NFIB: variants seen among roughly 807,000 people sequenced by gnomAD.
NFIB encodes nuclear factor 1 B-type.
Under a neutral mutation model 61.5 loss-of-function variants are expected in NFIB, and 11 were observed. The observed-to-expected ratio is 0.18, with a 90% CI of 0.11 to 0.30. NFIB has a LOEUF of 0.30. NFIB is among the 10% of genes least tolerant of loss of function. The pLI, the probability that NFIB is intolerant of heterozygous loss-of-function variation, is 1.00. For missense variants in NFIB, 471 were observed against 608.9 expected (o/e 0.77, Z 2.38); for synonymous variants, 260 against 216.5 (o/e 1.20, Z -1.76).
intron 3 of NFIB, among the ~76,000 whole-genome samples, chr9:14,173,079 G>A (rs919191472): frequency 6.6e-6 from 1 of 152,176 alleles, no homozygotes; most frequent in Admixed American, 6.5e-5. Flanking sequence ...CACATCAAAT[G>A]ATACTTTCTG....
intron 3 of NFIB, among the ~76,000 whole-genome samples, chr9:14,163,288 G>A (rs1318632056): frequency 6.6e-6 from 1 of 151,618 alleles, no homozygotes; most frequent in Non-Finnish European, 1.5e-5. Flanking sequence ...AAAATATAAG[G>A]GATAAAATAA....
intron 2 of NFIB, among the ~76,000 whole-genome samples, chr9:14,227,097 C>T (rs1405439111): frequency 6.7e-6 from 1 of 148,336 alleles, no homozygotes; most frequent in Non-Finnish European, 1.5e-5. Flanking sequence ...GCCGAGATCA[C>T]GCCATTGCAC....
At chr9:14,452,214 G>C in the NFIB span, among the ~76,000 whole-genome samples, 1 of 152,094 alleles carries the variant, frequency 6.6e-6, no homozygotes, top group Non-Finnish European at 1.5e-5. Context: ...AACACACGGA[G>C]GGGTGGTACA....
At chr9:14,310,707 T>A (rs1250976621) in intron 1 of NFIB, among the ~76,000 whole-genome samples, 1 of 152,214 alleles carries the variant, frequency 6.6e-6, no homozygotes, top group Non-Finnish European at 1.5e-5. Context: ...ACTTTGCTCT[T>A]TCAGAATTTT....
Position 14,398,711 on chromosome 9 carries a change from C to A in NFIB, c.-80G>T. 3 of 982,368 alleles carry A rather than the reference C, an allele frequency of 3.1e-6. No homozygotes were observed. In the South Asian group the frequency reaches 4.9e-5, roughly 16 times the overall value. 60.9% of individuals were successfully genotyped at this position (982,368 alleles called of 1,614,324 possible). ...CTGTTTTAGAATGTTTGCTCCAGGTCACCGAGTACCTTAGCAAACGCAGCT... is the reference window on the plus strand; with the variant it reads ...CTGTTTTAGAATGTTTGCTCCAGGTAACCGAGTACCTTAGCAAACGCAGCT... On this transcript the variant is annotated 5_prime_UTR_variant, in exon 1 of 9. Coordinates refer to the NFIB transcript ENST00000380934.
chr9:14,332,549 G>T (rs1035082756), intron 1 of NFIB, among the ~76,000 whole-genome samples: 2 of 152,082 alleles, frequency 1.3e-5, no homozygotes, highest in Non-Finnish European at 2.9e-5. Context: ...CCTGTGCCAC[G>T]CCCTGTGCTC....
chr9:14,531,882 T>C, the NFIB span: 1 of 151,804 alleles, frequency 6.6e-6, no homozygotes, highest in African/African-American at 2.4e-5. Flanking sequence ...GAGGAGGAGC[T>C]CGAAAGGAAG....
chr9:14,528,464 T>G, the NFIB span, among the ~76,000 whole-genome samples: 2 of 152,192 alleles, frequency 1.3e-5, no homozygotes, highest in Non-Finnish European at 2.9e-5. Flanking sequence ...GGATCTAGCC[T>G]AGTGTTTGTG....
chr9:14,116,172 A>T (rs965625139), intron 9 of NFIB, 36 bp downstream of exon 9: 16 of 1,463,696 alleles, frequency 1.1e-5, no homozygotes, highest in South Asian at 1.4e-5. Flanking sequence ...TTCCTATGGA[A>T]ATACTTACTG....
chr9:14,147,687 T>C (rs1276873078), intron 5 of NFIB, among the ~76,000 whole-genome samples: 3 of 135,984 alleles, frequency 2.2e-5, no homozygotes, highest in African/African-American at 8.3e-5. Flanking sequence ...TCACCTACGA[T>C]GTAGTACACT....
At chr9:14,441,439 T>C in the NFIB span, among the ~76,000 whole-genome samples, 1 of 152,228 alleles carries the variant, frequency 6.6e-6, no homozygotes, top group Non-Finnish European at 1.5e-5. Flanking sequence ...AGTCCCTTTA[T>C]GGTGAACGTG....
At chr9:14,338,755 T>C (rs557650265) in intron 1 of NFIB, among the ~76,000 whole-genome samples, 3 of 152,146 alleles carry the variant, frequency 2.0e-5, no homozygotes, top group African/African-American at 4.8e-5. Flanking sequence ...CTTCCCTCAT[T>C]CTTGTTTCTT....
At chr9:14,172,486 TA>T (rs1358382132) in intron 3 of NFIB, among the ~76,000 whole-genome samples, 20 of 152,194 alleles carry the variant, frequency 1.3e-4, no homozygotes, top group Non-Finnish European at 1.0e-4. Flanking sequence ...TTCTACAAGA[TA>T]AATTCTTGGT....
rs1041019739 is a variant in NFIB, at chr9:14,142,390, T to A, written c.925+4299A>T. Among the ~76,000 whole-genome samples, 51 of 152,136 alleles carry A rather than the reference T, an allele frequency of 3.4e-4. 1 individual carries two copies. The highest frequency in any genetic ancestry group is 1.7e-3 in the Admixed American group (26 of 15,258). ...CTCCTTCCACCATGACTGTGAAGCCTACCCAGCCAATAAACCTCTTCCTTT... is the reference window on the plus strand; with the variant it reads ...CTCCTTCCACCATGACTGTGAAGCCAACCCAGCCAATAAACCTCTTCCTTT... On this transcript the variant is annotated intron_variant, in intron 6 of 10. Transcript: ENST00000380953.
chr9:14,406,340 G>T, the NFIB span, among the ~76,000 whole-genome samples: 1 of 152,118 alleles, frequency 6.6e-6, no homozygotes, highest in Non-Finnish European at 1.5e-5. Context: ...TTTTGTTCTT[G>T]TCCCACCACT....
chr9:14,112,661 A>G (rs2037547819), intron 10 of NFIB, among the ~76,000 whole-genome samples: 2 of 152,226 alleles, frequency 1.3e-5, no homozygotes, highest in Non-Finnish European at 2.9e-5. Context: ...GTTGGCTTTA[A>G]AACAGTTTGC....
At chr9:14,091,354 A>G (rs1339594059) in intron 10 of NFIB, among the ~76,000 whole-genome samples, 2 of 152,170 alleles carry the variant, frequency 1.3e-5, no homozygotes, top group Middle Eastern at 6.8e-3. Context: ...TCAAAAATGC[A>G]ATGTCTAAAA....
At position 14,084,700 on chromosome 9, in the gene NFIB, A is replaced by G. The variant is rs1371405452; in HGVS notation, c.*3609T>C. On this transcript the variant is annotated 3_prime_UTR_variant, in exon 11 of 11. Coordinates refer to ENST00000380953, the MANE Select transcript of NFIB (RefSeq NM_001190737.2). ...GACCTTCGCCATCCTGAAGCTCTGC[A>G]GTTCTGGGTAAGGGAGGGGCGTGCA... is the stretch of plus-strand genomic sequence containing the variant. 2 of 229,698 alleles carry G rather than the reference A, an allele frequency of 8.7e-6. No homozygotes were observed. Among genetic ancestry groups the G allele is most frequent in the African/African-American group, 4.4e-5 (2 of 45,132 alleles). The allele number at this position is 229,698 out of a possible 1,614,324, so 14.2% of individuals were successfully genotyped here. A position where few individuals can be genotyped will look rare whatever the true frequency, so the allele number is the denominator to read the frequency against.
chr9:14,471,965 A>G, the NFIB span, among the ~76,000 whole-genome samples: 1 of 152,170 alleles, frequency 6.6e-6, no homozygotes, highest in African/African-American at 2.4e-5. Flanking sequence ...CTCTGCCTCC[A>G]TCTCCGACCT....
Sources: gnomAD v4.1 joint callset for allele counts (sites outside exome capture counted in the v4.1 genomes callset) on GRCh38, gnomAD v4.1.1 for gene constraint, MANE v1.5 for transcripts, NCBI Gene and HGNC (gene_info 2026-07-23, HGNC 2026-07-21) for gene names.